Variants in SLIT3 observed in about 807,000 individuals in gnomAD.
SLIT3 encodes slit homolog 3 protein.
In SLIT3, 68 loss-of-function variants were observed where a neutral mutation model predicts 184.0. That is an observed-to-expected ratio of 0.37 (90% confidence interval 0.30 to 0.45). The LOEUF is 0.45. SLIT3 is among the 20% of genes least tolerant of loss of function. The pLI is 1.00. For missense variants in SLIT3, 1,707 were observed against 2,026.0 expected, an observed-to-expected ratio of 0.84 and a Z score of 3.02; for synonymous variants, 831 against 828.6, an observed-to-expected ratio of 1.00 and a Z score of -0.05.
At position 168,696,698 on chromosome 5, in the gene SLIT3, T is replaced by C. The variant is rs142929231; in HGVS notation, c.2943-267A>G. Among the ~76,000 whole-genome samples the C allele has an allele frequency of 4.4e-3, 671 of 152,246 alleles. 3 individuals carry two copies. The highest frequency in any genetic ancestry group is 0.015 in the African/African-American group (632 of 41,546). ...TGGCTGCCTCGCTCTGGGGCTAATG[T>C]CCACCAACAAGGCCGGTGTCATCAT... On this transcript the variant is annotated intron_variant, in intron 27 of 35. Coordinates refer to ENST00000519560, the MANE Select transcript of SLIT3 (RefSeq NM_003062.4).
chr5:168,945,952 A>C (rs912123149), intron 4 of SLIT3, among the ~76,000 whole-genome samples: 3 of 152,264 alleles, frequency 2.0e-5, no homozygotes, highest in Non-Finnish European at 4.4e-5. Context: ...TGAACTTGGA[A>C]AGTTTCTCGC....
intron 3 of SLIT3, among the ~76,000 whole-genome samples, chr5:169,202,032 G>C (rs1763918304): frequency 1.3e-5 from 2 of 152,088 alleles, no homozygotes; most frequent in South Asian, 2.1e-4. Context: ...AGAAGTTTGA[G>C]AGCAGCCTGG....
intron 3 of SLIT3, among the ~76,000 whole-genome samples, chr5:169,243,944 A>T (rs1262262311): frequency 1.3e-5 from 2 of 152,272 alleles, no homozygotes; most frequent in Non-Finnish European, 2.9e-5. Flanking sequence ...TCCAGATGTT[A>T]TGAGCTGCCA....
intron 4 of SLIT3, among the ~76,000 whole-genome samples, chr5:169,179,223 A>T (rs967482883): frequency 1.3e-5 from 2 of 151,826 alleles, no homozygotes; most frequent in African/African-American, 4.8e-5. Context: ...AAAAAAAAAT[A>T]ATTTGGAAGT....
intron 3 of SLIT3, among the ~76,000 whole-genome samples, chr5:169,197,641 A>G (rs1006099091): frequency 1.3e-5 from 2 of 152,184 alleles, no homozygotes; most frequent in African/African-American, 4.8e-5. Context: ...ATCCATGATT[A>G]CTGAATGGAG....
intron 9 of SLIT3, among the ~76,000 whole-genome samples, chr5:168,796,108 C>T (rs778288398): frequency 3.3e-5 from 5 of 152,176 alleles, no homozygotes; most frequent in South Asian, 4.1e-4. Context: ...ACAGCCTTAA[C>T]GTCTTTAGGC....
chr5:168,697,316 T>C (rs970295272), intron 27 of SLIT3, among the ~76,000 whole-genome samples: 1 of 152,156 alleles, frequency 6.6e-6, no homozygotes, highest in Non-Finnish European at 1.5e-5. Context: ...GAGTGTTAAA[T>C]CTCTTGGATA....
intron 2 of SLIT3, among the ~76,000 whole-genome samples, chr5:169,248,862 C>G (rs1410534492): frequency 6.6e-6 from 1 of 152,140 alleles, no homozygotes; most frequent in Admixed American, 6.5e-5. Context: ...GGCAATTCTT[C>G]TATCTTCTCC....
At chr5:169,219,500 C>T (rs17643126) in intron 3 of SLIT3, among the ~76,000 whole-genome samples, 36,278 of 152,204 alleles carry the variant, frequency 0.24, 5,247 homozygotes, top group Non-Finnish European at 0.33. Flanking sequence ...GAATGCACCT[C>T]TCACCTTATC....
At chr5:168,875,198 G>C (rs1581167372) in intron 5 of SLIT3, among the ~76,000 whole-genome samples, 1 of 131,756 alleles carries the variant, frequency 7.6e-6, no homozygotes, top group South Asian at 2.8e-4. Flanking sequence ...AGGGGGAAGA[G>C]AGAAAGGGGG....
intron 4 of SLIT3, among the ~76,000 whole-genome samples, chr5:168,961,125 T>A (rs919924802): frequency 3.9e-5 from 6 of 152,178 alleles, no homozygotes; most frequent in South Asian, 2.1e-4. Context: ...TTACCTCCCC[T>A]TTCCCCCTTC....
chr5:168,924,821 G>T (rs1438932707), intron 4 of SLIT3, among the ~76,000 whole-genome samples: 5 of 152,248 alleles, frequency 3.3e-5, no homozygotes, highest in Admixed American at 3.3e-4. Context: ...CTGCATTTGA[G>T]TTTTGAGCCT....
chr5:169,251,955 T>C (rs934639959), intron 1 of SLIT3, among the ~76,000 whole-genome samples: 6 of 152,226 alleles, frequency 3.9e-5, no homozygotes, highest in African/African-American at 1.4e-4. Flanking sequence ...ACAAAAACAG[T>C]GAGCAGATGG....
At chr5:168,781,293 C>T (rs1755961403) in intron 12 of SLIT3, among the ~76,000 whole-genome samples, 1 of 152,194 alleles carries the variant, frequency 6.6e-6, no homozygotes, top group Admixed American at 6.5e-5. Flanking sequence ...CAAGTGACCT[C>T]ACCTGTGGTG....
At chr5:169,011,647 T>A (rs184960463) in intron 4 of SLIT3, among the ~76,000 whole-genome samples, 37 of 152,316 alleles carry the variant, frequency 2.4e-4, no homozygotes, top group Non-Finnish European at 4.4e-4. Context: ...GGGCCTGCTC[T>A]GTCAGAGCTC....
intron 5 of SLIT3, among the ~76,000 whole-genome samples, chr5:168,881,843 C>T (rs1236758892): frequency 6.6e-6 from 1 of 152,198 alleles, no homozygotes; most frequent in Non-Finnish European, 1.5e-5. Flanking sequence ...GAAGCCTACA[C>T]CTGTCCTGCA....
intron 4 of SLIT3, among the ~76,000 whole-genome samples, chr5:169,109,016 G>C (rs1052342538): frequency 2.6e-5 from 4 of 152,164 alleles, no homozygotes; most frequent in African/African-American, 9.7e-5. Context: ...CCCCCCACTT[G>C]AGTGTGGGTA....
chr5:168,743,023 C>T (rs559624989), intron 20 of SLIT3, among the ~76,000 whole-genome samples: 22 of 152,052 alleles, frequency 1.4e-4, no homozygotes, highest in Non-Finnish European at 8.8e-5. Flanking sequence ...TCCCAGCTAC[C>T]GGAGAGGCTA....
intron 4 of SLIT3, among the ~76,000 whole-genome samples, chr5:168,962,335 CAT>C (rs1554085340): frequency 6.6e-6 from 1 of 151,234 alleles, no homozygotes; most frequent in Non-Finnish European, 1.5e-5. Context: ...CACACACACA[CAT>C]ACACACACAC....
Sources: allele counts gnomAD v4.1 joint callset (sites outside exome capture counted in the v4.1 genomes callset), GRCh38; gene constraint gnomAD v4.1.1; transcripts MANE v1.5; gene names NCBI Gene and HGNC (gene_info 2026-07-23, HGNC 2026-07-21).